BCAS3: variants seen among roughly 807,000 people sequenced by gnomAD.
The protein encoded by BCAS3 is BCAS4/BCAS3 fusion.
In BCAS3, 53 loss-of-function variants were observed where a neutral mutation model predicts 116.1. The ratio of observed to expected loss-of-function variants is 0.46; its 90% CI spans 0.37 to 0.57. The LOEUF (loss-of-function observed/expected upper bound fraction) is 0.57. Among genes scored for constraint, BCAS3 ranks in the 20% least tolerant of loss-of-function variants. The pLI, the probability that BCAS3 is intolerant of heterozygous loss-of-function variation, is 0.00. For synonymous variants in BCAS3, 391 were observed against 408.2 expected, an observed-to-expected ratio of 0.96 and a Z score of 0.51; for missense variants, 917 against 1,165.4, an observed-to-expected ratio of 0.79 and a Z score of 3.10.
In BCAS3 at chr17:61,313,114, G is replaced by A. The variant is rs1242316253; in HGVS notation, c.2426-55213G>A. On this transcript the variant is annotated intron_variant, in intron 22 of 23. Transcript: ENST00000407086. This position sits in a 1 kb window ranked among gnomAD's most constrained non-coding sequence, Gnocchi z 4.3. ...TAGCATTGATTGAGAAATCTACTCCGTGTTAGGCTTAGACTACATAGTGAT... is the reference window on the plus strand; with the variant it reads ...TAGCATTGATTGAGAAATCTACTCCATGTTAGGCTTAGACTACATAGTGAT... Among the ~76,000 whole-genome samples, 2 of 152,208 alleles carry A rather than the reference G, an allele frequency of 1.3e-5. No individual in the cohort carries two copies. The highest frequency in any genetic ancestry group is 6.5e-5 in the Admixed American group (1 of 15,272).
intron 22 of BCAS3, among the ~76,000 whole-genome samples, chr17:61,234,725 A>G (rs1426029344): frequency 6.7e-6 from 1 of 150,352 alleles, no homozygotes; most frequent in African/African-American, 2.5e-5. Flanking sequence ...GGCCTTTTCC[A>G]GCCAGCAGTC....
At chr17:60,800,018 C>T (rs28784709) in intron 6 of BCAS3, among the ~76,000 whole-genome samples, 34,586 of 151,882 alleles carry the variant, frequency 0.23, 7,139 homozygotes, top group African/African-American at 0.56. Context: ...TTGACTCTTA[C>T]ATCTAAACCT....
intron 22 of BCAS3, among the ~76,000 whole-genome samples, chr17:61,153,947 G>A (rs912700501): frequency 6.6e-6 from 1 of 152,168 alleles, no homozygotes; most frequent in Non-Finnish European, 1.5e-5. Flanking sequence ...ACACTAGCCA[G>A]CTTAAAAGTC....
chr17:61,071,538 C>G (rs1368438692), intron 19 of BCAS3, among the ~76,000 whole-genome samples: 1 of 152,136 alleles, frequency 6.6e-6, no homozygotes, highest in Non-Finnish European at 1.5e-5. Context: ...TTATTTCTAA[C>G]AAGCTCTGCG....
intron 14 of BCAS3, among the ~76,000 whole-genome samples, chr17:60,950,016 C>A (rs2060745844): frequency 6.6e-6 from 1 of 152,128 alleles, no homozygotes; most frequent in Non-Finnish European, 1.5e-5. Flanking sequence ...AGAGTATCAT[C>A]TAAGTACAAA....
rs1476362484 is a variant in BCAS3 at position 61,004,265 on chromosome 17, TA to T, written c.1487-11485del. Among the ~76,000 whole-genome samples, 10 of 152,268 alleles carry T rather than the reference TA, an allele frequency of 6.6e-5. No homozygotes were observed. The highest frequency in any genetic ancestry group is 2.4e-4 in the African/African-American group (10 of 41,558). On this transcript the variant is annotated intron_variant, in intron 15 of 23. Coordinates refer to ENST00000407086, the MANE Select transcript of BCAS3 (RefSeq NM_017679.5). This position sits in a 1 kb window ranked among gnomAD's most constrained non-coding sequence, Gnocchi z 4.8. ...TGCTGAAGTGAATGAATGTAAAAAC[TA>T]CTTATTCAGATAAAGAAGTGCAAAT... is the stretch of plus-strand genomic sequence containing the variant.
Position 61,391,972 on chromosome 17 carries a change from T to C in BCAS3, c.2594-5T>C. On this transcript the variant is annotated splice_polypyrimidine_tract_variant and splice_region_variant and intron_variant, in intron 23 of 23. Coordinates refer to ENST00000407086, the MANE Select transcript of BCAS3 (RefSeq NM_017679.5). The surrounding 1 kb of genome is among the most constrained non-coding windows in gnomAD (Gnocchi z 7.7). Reference sequence around the variant, plus strand: ...CCAGGCCTGGCCCTCTCCTGTGTCTTGCAGAACTTCAGCGAGAGGGAAGCA... The same window carrying C: ...CCAGGCCTGGCCCTCTCCTGTGTCTCGCAGAACTTCAGCGAGAGGGAAGCA... 6.2e-7 allele frequency: 1 copy of C among 1,613,242 alleles called. No individual in the cohort carries two copies. Among genetic ancestry groups the C allele is most frequent in the East Asian group, 2.2e-5 (1 of 44,864 alleles).
chr17:60,972,309 C>A (rs73322753), intron 14 of BCAS3, among the ~76,000 whole-genome samples: 10,427 of 152,136 alleles, frequency 0.069, 1,049 homozygotes, highest in African/African-American at 0.22. Flanking sequence ...CATGGACTAG[C>A]GTTTTTAATG....
At chr17:60,697,830 C>T (rs980694122) in intron 4 of BCAS3, among the ~76,000 whole-genome samples, 1 of 151,730 alleles carries the variant, frequency 6.6e-6, no homozygotes, top group African/African-American at 2.4e-5. Flanking sequence ...CTAGATGTCT[C>T]TATAGGAAAG....
Position 60,874,672 on chromosome 17 carries a change from G to T in BCAS3, c.595G>T (p.Val199Leu). The change falls in exon 9 of 24, where the codon GTA becomes TTA. Residue 199 changes from valine (V) to leucine (L), a missense_variant. This residue lies in a region of BCAS3 where 807 missense variants were observed against 1,026.0 expected (regional missense o/e 0.79). Transcript: ENST00000407086. Reference protein sequence around the residue: ...DLHCNKRILVVVLQEKIAAFD... With the variant: ...DLHCNKRILVLVLQEKIAAFD... ...TCTCTCTAATTTTAGGATCCTTGTC[G>T]TAGTCTTGCAGGAGAAAATTGCTGC... 1 of 1,603,912 alleles carries T rather than the reference G, an allele frequency of 6.2e-7. No homozygotes were observed. The highest frequency in any genetic ancestry group is 2.3e-5 in the East Asian group (1 of 44,386).
In BCAS3 at chr17:60,868,626, A is replaced by G; in HGVS notation, c.527A>G (p.Glu176Gly). 6.2e-7 allele frequency: 1 copy of G among 1,606,290 alleles called. No homozygotes were observed. Among genetic ancestry groups the G allele is most frequent in the Non-Finnish European group, 8.5e-7 (1 of 1,177,254 alleles). The change falls in exon 8 of 24, where the codon GAG (glutamate) becomes GGG (glycine). Residue 176 changes from glutamate to glycine, a missense_variant. Transcript: ENST00000407086. ...CVDLYSLRTG[E>G]MVKSIQFKTP... The stretch of plus-strand genomic sequence containing the variant: ...GATCTGTATTCACTTCGTACTGGGG[A>G]GATGGTCAAGTCCATTCAATTTAAG...
intron 23 of BCAS3, among the ~76,000 whole-genome samples, chr17:61,382,561 CAGG>C (rs1245337212): frequency 6.6e-6 from 1 of 151,730 alleles, no homozygotes; most frequent in Non-Finnish European, 1.5e-5. Context: ...CGCGCCTGGC[CAGG>C]AGAATTGTTT....
chr17:60,917,595 ATT>A, intron 12 of BCAS3, among the ~76,000 whole-genome samples: 1 of 146,388 alleles, frequency 6.8e-6, no homozygotes, highest in South Asian at 2.2e-4. Flanking sequence ...CCTTTTGCCA[ATT>A]TTTTTTTTTT....
At chr17:60,866,990 G>A (rs1464590924) in intron 7 of BCAS3, among the ~76,000 whole-genome samples, 2 of 151,824 alleles carry the variant, frequency 1.3e-5, no homozygotes, top group African/African-American at 4.8e-5. Flanking sequence ...TATGTGGAAT[G>A]CATTTCCATA....
intron 19 of BCAS3, among the ~76,000 whole-genome samples, chr17:61,053,248 T>C (rs2069051448): frequency 6.6e-6 from 1 of 152,196 alleles, no homozygotes; most frequent in African/African-American, 2.4e-5. Context: ...AAACAAATTT[T>C]GTACTGCTGG....
chr17:61,221,150 T>G (rs2082088297), intron 22 of BCAS3, among the ~76,000 whole-genome samples: 1 of 152,184 alleles, frequency 6.6e-6, no homozygotes, highest in African/African-American at 2.4e-5. Flanking sequence ...TTACAAAGTG[T>G]CGGTGCAGAT....
At chr17:61,115,162 T>C (rs1470621684) in intron 22 of BCAS3, among the ~76,000 whole-genome samples, 1 of 151,928 alleles carries the variant, frequency 6.6e-6, no homozygotes, top group Admixed American at 6.6e-5. Flanking sequence ...GGCATTACCA[T>C]TCAGGACATA....
At chr17:60,745,306 A>G (rs1011725887) in intron 5 of BCAS3, among the ~76,000 whole-genome samples, 1 of 151,904 alleles carries the variant, frequency 6.6e-6, no homozygotes, top group African/African-American at 2.4e-5. Context: ...ATATTGGGTA[A>G]CACTTATCTG....
At chr17:61,123,762 A>G (rs1334072972) in intron 22 of BCAS3, among the ~76,000 whole-genome samples, 1 of 152,154 alleles carries the variant, frequency 6.6e-6, no homozygotes, top group Non-Finnish European at 1.5e-5. Flanking sequence ...CATATTATTA[A>G]AAGTTGAATA....
Sources: gnomAD v4.1 joint callset for allele counts (sites outside exome capture counted in the v4.1 genomes callset) on GRCh38, gnomAD v4.1.1 for gene constraint, gnomAD v4.1.1 regional missense constraint, Gnocchi (gnomAD v3.1) non-coding constraint, MANE v1.5 for transcripts, NCBI Gene and HGNC (gene_info 2026-07-23, HGNC 2026-07-21) for gene names.